The following CDH12 variants were observed in gnomAD, a reference collection of about 807,000 sequenced individuals.
The protein encoded by CDH12 is cadherin 12, also known as cadherin-12.
A neutral mutation model predicts 74.1 loss-of-function variants in CDH12; 41 were observed. That is an observed-to-expected ratio of 0.55 (90% CI 0.43 to 0.72). CDH12 has a LOEUF of 0.72. Among genes scored for constraint, CDH12 ranks in the 30% least tolerant of loss-of-function variants. The pLI is 0.00. For synonymous variants in CDH12, 399 were observed against 355.0 expected (o/e 1.12, Z -1.39); for missense variants, 945 against 977.2 (o/e 0.97, Z 0.44).
intron 3 of CDH12, among the ~76,000 whole-genome samples, chr5:22,341,248 G>A (rs1049170817): frequency 6.6e-5 from 10 of 152,136 alleles, no homozygotes; most frequent in African/African-American, 2.4e-4. Context: ...TGCTGTATAA[G>A]TGAGGTAGGA....
At chr5:21,885,622 A>G (rs1222293520) in intron 6 of CDH12, among the ~76,000 whole-genome samples, 1 of 152,182 alleles carries the variant, frequency 6.6e-6, no homozygotes, top group African/African-American at 2.4e-5. Context: ...ATTGATTTAT[A>G]TGAGTTTGCC....
At chr5:22,666,281 T>TC (rs1740610058) in intron 1 of CDH12, among the ~76,000 whole-genome samples, 1 of 82,686 alleles carries the variant, frequency 1.2e-5, no homozygotes, top group African/African-American at 5.4e-5. Context: ...TATCTCTCTA[T>TC]CTTTTTTTTT....
chr5:22,508,575 T>G (rs1051662624), intron 1 of CDH12, among the ~76,000 whole-genome samples: 5 of 152,144 alleles, frequency 3.3e-5, no homozygotes, highest in Non-Finnish European at 4.4e-5. Context: ...ATAGGAAGCA[T>G]TTGTCATCTG....
intron 2 of CDH12, among the ~76,000 whole-genome samples, chr5:22,473,968 C>A (rs1746068006): frequency 6.6e-6 from 1 of 151,930 alleles, no homozygotes; most frequent in Non-Finnish European, 1.5e-5. Context: ...GAATAACTGG[C>A]CCAATGTGAT....
chr5:22,656,108 T>C (rs1334036448), intron 1 of CDH12, among the ~76,000 whole-genome samples: 2 of 152,294 alleles, frequency 1.3e-5, no homozygotes, highest in Admixed American at 6.5e-5. Flanking sequence ...TGTATATATA[T>C]GTGATTATTT....
intron 3 of CDH12, among the ~76,000 whole-genome samples, chr5:22,383,700 A>T (rs1417651142): frequency 6.6e-6 from 1 of 152,214 alleles, no homozygotes; most frequent in Non-Finnish European, 1.5e-5. Context: ...TATTTCTCTA[A>T]CTGGCATAAA....
At chr5:21,906,905 G>A (rs548165797) in intron 6 of CDH12, among the ~76,000 whole-genome samples, 3 of 152,230 alleles carry the variant, frequency 2.0e-5, no homozygotes, top group Admixed American at 2.0e-4. Context: ...TTGAGCTCCT[G>A]GCCTCAGAAT....
intron 3 of CDH12, among the ~76,000 whole-genome samples, chr5:22,286,785 G>A (rs540628963): frequency 6.6e-6 from 1 of 151,070 alleles, no homozygotes; most frequent in African/African-American, 2.4e-5. Flanking sequence ...GACTGAATAT[G>A]GTCATTTTTA....
intron 5 of CDH12, among the ~76,000 whole-genome samples, chr5:21,999,966 T>G (rs1329279016): frequency 6.6e-6 from 1 of 152,156 alleles, no homozygotes; most frequent in Non-Finnish European, 1.5e-5. Context: ...CAAATACTTT[T>G]GCACTACTAG....
intron 3 of CDH12, among the ~76,000 whole-genome samples, chr5:22,380,231 C>T (rs1057508964): frequency 2.0e-5 from 3 of 152,046 alleles, no homozygotes; most frequent in African/African-American, 7.2e-5. Context: ...AAATCATTAC[C>T]CTTAAGCTAC....
chr5:22,088,315 G>A (rs1743196529), intron 4 of CDH12, among the ~76,000 whole-genome samples: 1 of 152,136 alleles, frequency 6.6e-6, no homozygotes, highest in Non-Finnish European at 1.5e-5. Context: ...TCTAGTGGGT[G>A]TGGAGGAGAG....
intron 2 of CDH12, among the ~76,000 whole-genome samples, chr5:22,417,569 A>T (rs76729762): frequency 0.11 from 17,283 of 152,274 alleles, 1,151 homozygotes; most frequent in South Asian, 0.16. Flanking sequence ...TAAGAAATGC[A>T]TCTTCATTCT....
intron 6 of CDH12, among the ~76,000 whole-genome samples, chr5:21,947,318 G>A (rs1755624996): frequency 6.6e-6 from 1 of 152,138 alleles, no homozygotes; most frequent in South Asian, 2.1e-4. Context: ...AGTGTTTGGA[G>A]GGCTCAGAAG....
chr5:22,781,132 C>G (rs1160141721), intron 1 of CDH12, among the ~76,000 whole-genome samples: 1 of 152,054 alleles, frequency 6.6e-6, no homozygotes. Context: ...ATTTTGAATC[C>G]TCTATAAATA....
At chr5:22,743,299 T>C (rs1745129450) in intron 1 of CDH12, among the ~76,000 whole-genome samples, 1 of 148,358 alleles carries the variant, frequency 6.7e-6, no homozygotes, top group Non-Finnish European at 1.5e-5. Context: ...TATGTATATG[T>C]ATATATATGT....
At chr5:22,125,433 C>A (rs955015674) in intron 4 of CDH12, among the ~76,000 whole-genome samples, 1 of 152,140 alleles carries the variant, frequency 6.6e-6, no homozygotes, top group African/African-American at 2.4e-5. Context: ...CTGCAAAAGA[C>A]ATTAATTCTT....
At chr5:21,960,239 C>T (rs1268304054) in intron 6 of CDH12, among the ~76,000 whole-genome samples, 1 of 152,174 alleles carries the variant, frequency 6.6e-6, no homozygotes, top group Non-Finnish European at 1.5e-5. Context: ...AATATACATT[C>T]TTCTCATCTC....
intron 1 of CDH12, among the ~76,000 whole-genome samples, chr5:22,713,163 G>T (rs563760): frequency 1.9e-5 from 2 of 105,938 alleles, no homozygotes; most frequent in East Asian, 3.1e-4. Context: ...TTTTTTTGAG[G>T]TGGAGTCTTG....
chr5:22,138,739 C>G (rs1360774095), intron 4 of CDH12, among the ~76,000 whole-genome samples: 2 of 147,834 alleles, frequency 1.4e-5, no homozygotes, highest in African/African-American at 2.5e-5. Context: ...GTTTTGCTGT[C>G]AAATTTCCCT....
Sources: allele counts gnomAD v4.1 joint callset (sites outside exome capture counted in the v4.1 genomes callset), GRCh38; gene constraint gnomAD v4.1.1; transcripts MANE v1.5; gene names NCBI Gene and HGNC (gene_info 2026-07-23, HGNC 2026-07-21).